The following MOB3B variants were observed in gnomAD, a reference collection of about 807,000 sequenced individuals.
MOB3B encodes MOB kinase activator 3B, also known as MOB kinase activator-like 2B.
In MOB3B, 7 loss-of-function variants were observed where a neutral mutation model predicts 18.7. That is an observed-to-expected ratio of 0.37 (90% confidence interval 0.21 to 0.70). The LOEUF (loss-of-function observed/expected upper bound fraction) is 0.70, where lower values mean the gene tolerates loss of function less well. Among genes scored for constraint, MOB3B ranks in the 30% least tolerant of loss-of-function variants. MOB3B has a pLI of 0.52. For synonymous variants in MOB3B, 111 were observed against 99.9 expected (o/e 1.11, Z -0.66); for missense variants, 253 against 281.3 (o/e 0.90, Z 0.72).
intron 1 of MOB3B, among the ~76,000 whole-genome samples, chr9:27,488,657 C>G (rs2131484628): frequency 6.6e-6 from 1 of 152,314 alleles, no homozygotes; most frequent in African/African-American, 2.4e-5. Context: ...GTCTACCCAT[C>G]TCCGCCTGCC....
chr9:27,333,312 C>T (rs1339233331), intron 3 of MOB3B, among the ~76,000 whole-genome samples: 1 of 151,978 alleles, frequency 6.6e-6, no homozygotes, highest in Non-Finnish European at 1.5e-5. Flanking sequence ...ACTCTGCAAG[C>T]TGTATTCTAG....
chr9:27,492,495 G>A (rs574113653), intron 1 of MOB3B, among the ~76,000 whole-genome samples: 24 of 152,304 alleles, frequency 1.6e-4, no homozygotes, highest in African/African-American at 4.8e-4. Flanking sequence ...CTGCCCAAGT[G>A]ACTCTCAAGA....
rs528028638 is a variant in MOB3B, at chr9:27,525,085, C to T, written c.-199+4470G>A. The T allele has an allele frequency of 4.0e-5, 32 of 799,636 alleles. No homozygotes were observed. The South Asian group carries it at 5.1e-4, about 13-fold the overall frequency. The allele number at this position is 799,636 out of a possible 1,614,324, so 49.5% of individuals were successfully genotyped here. A position where few individuals can be genotyped will look rare whatever the true frequency, so the allele number is the denominator to read the frequency against. ...CTGTCCTCAGTTGGACTGGTAGCCT[C>T]GGAACATCAGGGACACTCACCTCTC... On this transcript the variant is annotated intron_variant, in intron 1 of 3. Transcript: ENST00000262244.
At chr9:27,458,690 G>A (rs980409243) in intron 1 of MOB3B, among the ~76,000 whole-genome samples, 3 of 150,458 alleles carry the variant, frequency 2.0e-5, no homozygotes, top group East Asian at 2.0e-4. Context: ...ACCAGGGACC[G>A]TAGGTGCATG....
chr9:27,367,261 C>G (rs570608385), intron 2 of MOB3B, among the ~76,000 whole-genome samples: 1 of 152,330 alleles, frequency 6.6e-6, no homozygotes, highest in South Asian at 2.1e-4. Flanking sequence ...GATCTGAATT[C>G]AAGTCTGTCT....
chr9:27,376,416 G>A (rs1201420419), intron 2 of MOB3B, among the ~76,000 whole-genome samples: 1 of 152,174 alleles, frequency 6.6e-6, no homozygotes, highest in African/African-American at 2.4e-5. Flanking sequence ...AGCACTATTT[G>A]TCTTGCAGTG....
At chr9:27,481,907 C>T (rs10967958) in intron 1 of MOB3B, among the ~76,000 whole-genome samples, 20,196 of 151,920 alleles carry the variant, frequency 0.13, 1,703 homozygotes, top group Non-Finnish European at 0.19. Flanking sequence ...AACCTGGGAA[C>T]TCGGAGTTTT....
chr9:27,359,357 G>A, intron 2 of MOB3B, 121 bp from the exon 3 acceptor site: 2 of 514,492 alleles, frequency 3.9e-6, no homozygotes, highest in South Asian at 1.8e-5. Context: ...CGTCACAGGA[G>A]TCATAGGGAG....
intron 2 of MOB3B, among the ~76,000 whole-genome samples, chr9:27,361,036 G>A (rs1326810860): frequency 6.6e-6 from 1 of 152,142 alleles, no homozygotes; most frequent in African/African-American, 2.4e-5. Context: ...TGAAGCCTGA[G>A]TCCCAGAAGT....
At chr9:27,367,692 G>A (rs1007544578) in intron 2 of MOB3B, among the ~76,000 whole-genome samples, 2 of 152,152 alleles carry the variant, frequency 1.3e-5, no homozygotes, top group Admixed American at 1.3e-4. Context: ...CTAGGAAGAC[G>A]GCTCTTCTGA....
At chr9:27,368,597 C>G (rs1429572521) in intron 2 of MOB3B, among the ~76,000 whole-genome samples, 3 of 152,214 alleles carry the variant, frequency 2.0e-5, no homozygotes. Flanking sequence ...CCCAAACAAG[C>G]TGACAGCTGC....
intron 1 of MOB3B, among the ~76,000 whole-genome samples, chr9:27,494,677 G>A (rs976052837): frequency 6.6e-6 from 1 of 152,026 alleles, no homozygotes; most frequent in East Asian, 1.9e-4. Context: ...ACCAAACCTG[G>A]CTAATTTTTG....
At chr9:27,406,012 A>C (rs897995831) in intron 2 of MOB3B, among the ~76,000 whole-genome samples, 1 of 152,214 alleles carries the variant, frequency 6.6e-6, no homozygotes, top group African/African-American at 2.4e-5. Flanking sequence ...AAGATTTGGA[A>C]CAAGACAAGA....
At chr9:27,378,817 T>C in intron 2 of MOB3B, 1 of 380,940 alleles carries the variant, frequency 2.6e-6, no homozygotes, top group South Asian at 2.0e-5. Context: ...CTCAAATATT[T>C]GAAAGAAGGT....
chr9:27,495,345 A>C (rs28431849), intron 1 of MOB3B, among the ~76,000 whole-genome samples: 1 of 151,996 alleles, frequency 6.6e-6, no homozygotes, highest in East Asian at 1.9e-4. Context: ...TAAATAAATA[A>C]ATAGATAAAT....
At chr9:27,502,776 A>G (rs564612126) in intron 1 of MOB3B, among the ~76,000 whole-genome samples, 2 of 152,390 alleles carry the variant, frequency 1.3e-5, no homozygotes, top group South Asian at 4.1e-4. Context: ...CAGGATGCCC[A>G]AACTAAATTC....
intron 2 of MOB3B, among the ~76,000 whole-genome samples, chr9:27,387,098 A>C (rs1821659651): frequency 6.6e-6 from 1 of 152,222 alleles, no homozygotes; most frequent in African/African-American, 2.4e-5. Flanking sequence ...TGTGGCCTAA[A>C]TGTGTGCTTG....
At chr9:27,364,974 C>T (rs1384085496) in intron 2 of MOB3B, among the ~76,000 whole-genome samples, 2 of 152,066 alleles carry the variant, frequency 1.3e-5, no homozygotes, top group African/African-American at 2.4e-5. Context: ...CTACTAGTTT[C>T]TCAAACTTAT....
At chr9:27,486,174 C>A (rs12115670) in intron 1 of MOB3B, among the ~76,000 whole-genome samples, 1 of 151,976 alleles carries the variant, frequency 6.6e-6, no homozygotes, top group African/African-American at 2.4e-5. Flanking sequence ...ACCAGGAATG[C>A]CTCTTTGATG....
Sources: gnomAD v4.1 joint callset for allele counts (sites outside exome capture counted in the v4.1 genomes callset) on GRCh38, gnomAD v4.1.1 for gene constraint, MANE v1.5 for transcripts, NCBI Gene and HGNC (gene_info 2026-07-23, HGNC 2026-07-21) for gene names.